TCF12: variants seen among roughly 807,000 people sequenced by gnomAD.
TCF12 encodes the protein transcription factor 12.
In TCF12, 45 loss-of-function variants were observed where a neutral mutation model predicts 86.0. The ratio of observed to expected loss-of-function variants is 0.52; its 90% CI spans 0.41 to 0.67. TCF12 has a LOEUF of 0.67. TCF12 is among the 30% of genes least tolerant of loss of function. The pLI is 0.00. For synonymous variants in TCF12, 330 were observed against 299.6 expected, an observed-to-expected ratio of 1.10 and a Z score of -1.05; for missense variants, 881 against 859.9, an observed-to-expected ratio of 1.02 and a Z score of -0.31.
chr15:57,187,834 G>A (rs2056762712), intron 6 of TCF12, among the ~76,000 whole-genome samples: 1 of 152,134 alleles, frequency 6.6e-6, no homozygotes, highest in Non-Finnish European at 1.5e-5. Flanking sequence ...GGAGGCTGAG[G>A]CAGGAGAATC....
intron 6 of TCF12, among the ~76,000 whole-genome samples, chr15:57,182,900 A>T (rs545782019): frequency 6.6e-6 from 1 of 152,100 alleles, no homozygotes; most frequent in Non-Finnish European, 1.5e-5. Context: ...AATCACTTAC[A>T]TGTTTTCAAG....
intron 5 of TCF12, among the ~76,000 whole-genome samples, chr15:57,121,651 C>G (rs544269484): frequency 6.6e-6 from 1 of 152,248 alleles, no homozygotes; most frequent in Admixed American, 6.5e-5. Context: ...CAATAAAGTG[C>G]CATGTTGGAA....
intron 3 of TCF12, among the ~76,000 whole-genome samples, chr15:56,977,616 G>A (rs1051241107): frequency 5.3e-5 from 8 of 152,036 alleles, no homozygotes; most frequent in African/African-American, 1.9e-4. Context: ...TGGAGACAGC[G>A]TTTGTAGCTT....
chr15:57,069,512 A>G lies in TCF12; in HGVS notation c.222+5689A>G, dbSNP rs2069184851. On this transcript the variant is annotated intron_variant, in intron 4 of 20. Coordinates refer to ENST00000333725, the MANE Select transcript of TCF12 (RefSeq NM_207037.2). ...CTTTCTTCCCTCTGTGTTTTACAGT[A>G]TCATAGAATTTTCAAAACTGAAAGA... is the stretch of plus-strand genomic sequence containing the variant. 2.6e-5 allele frequency among the ~76,000 whole-genome samples: 4 copies of G among 152,194 alleles called. No individual in the cohort carries two copies. The South Asian group carries it at 8.3e-4, about 32-fold the overall frequency.
At chr15:57,152,221 T>TACCCACAGTATA (rs2053813652) in intron 5 of TCF12, among the ~76,000 whole-genome samples, 2 of 152,214 alleles carry the variant, frequency 1.3e-5, no homozygotes, top group African/African-American at 2.4e-5. Flanking sequence ...AATATACTAC[T>TACCCACAGTATA]GTTCTACCCA....
At chr15:57,085,933 A>G (rs1161488818) in intron 4 of TCF12, among the ~76,000 whole-genome samples, 2 of 152,112 alleles carry the variant, frequency 1.3e-5, no homozygotes, top group African/African-American at 4.8e-5. Context: ...TACTTGTTCA[A>G]TCCGGTTAGA....
upstream of TCF12, chr15:56,918,446 A>T (rs1440672719): frequency 2.9e-6 from 1 of 345,170 alleles, no homozygotes; most frequent in South Asian, 2.1e-5. Flanking sequence ...CGAGCGCCTC[A>T]TGCCCCTCCC....
chr15:57,086,858 A>G (rs2048669846), intron 4 of TCF12, among the ~76,000 whole-genome samples: 1 of 152,178 alleles, frequency 6.6e-6, no homozygotes, highest in African/African-American at 2.4e-5. Flanking sequence ...GAACTGGGAA[A>G]GATCCTCTGG....
intron 8 of TCF12, among the ~76,000 whole-genome samples, chr15:57,209,884 A>G (rs1002929656): frequency 2.0e-5 from 3 of 152,202 alleles, no homozygotes; most frequent in Admixed American, 6.5e-5. Flanking sequence ...AAAGATGTCA[A>G]GCACACTCCT....
chr15:57,015,893 T>C (rs1380425151), intron 3 of TCF12, among the ~76,000 whole-genome samples: 7 of 152,218 alleles, frequency 4.6e-5, no homozygotes, highest in Admixed American at 4.6e-4. Flanking sequence ...TTAGTTCTTA[T>C]ATAGAAGCCA....
At chr15:56,963,532 C>T (rs1269426627) in intron 3 of TCF12, among the ~76,000 whole-genome samples, 4 of 152,034 alleles carry the variant, frequency 2.6e-5, no homozygotes, top group African/African-American at 9.7e-5. Context: ...TGGTTTTTAT[C>T]TTTGCTTTAT....
chr15:57,115,775 A>G (rs1243926028), intron 5 of TCF12, among the ~76,000 whole-genome samples: 1 of 152,192 alleles, frequency 6.6e-6, no homozygotes, highest in Non-Finnish European at 1.5e-5. Context: ...GTGGTGTACC[A>G]TGGATGACAA....
At chr15:57,255,799 GA>G (rs5812879) in intron 16 of TCF12, among the ~76,000 whole-genome samples, 4 of 149,200 alleles carry the variant, frequency 2.7e-5, no homozygotes, top group African/African-American at 4.9e-5. Flanking sequence ...TTCGTAAAAA[GA>G]AAAAAAAAAT....
intron 8 of TCF12, among the ~76,000 whole-genome samples, chr15:57,230,884 T>A (rs1405225857): frequency 6.6e-6 from 1 of 151,952 alleles, no homozygotes; most frequent in African/African-American, 2.4e-5. Context: ...ATTCAGTCAC[T>A]TGGTGTAACT....
chr15:56,948,704 A>G (rs1217057323), intron 3 of TCF12, among the ~76,000 whole-genome samples: 1 of 152,230 alleles, frequency 6.6e-6, no homozygotes. Context: ...GGTTACAGCC[A>G]GAAGTACAGA....
At chr15:57,233,702 C>T (rs569401178) in intron 11 of TCF12, among the ~76,000 whole-genome samples, 2 of 152,018 alleles carry the variant, frequency 1.3e-5, no homozygotes, top group African/African-American at 4.8e-5. Context: ...GCCTTGAACT[C>T]GTGGGCTCAA....
chr15:57,271,766 T>A (rs1347427887), intron 18 of TCF12, among the ~76,000 whole-genome samples: 1 of 152,190 alleles, frequency 6.6e-6, no homozygotes, highest in African/African-American at 2.4e-5. Context: ...TATTTTGTTT[T>A]TGTTTTGGAT....
At chr15:56,939,012 CTGAATT>C (rs1189546980) in intron 3 of TCF12, among the ~76,000 whole-genome samples, 1 of 152,158 alleles carries the variant, frequency 6.6e-6, no homozygotes. Context: ...GCTTTTCAAT[CTGAATT>C]GTGTGGTTCT....
At chr15:57,173,952 C>T (rs1241467487) in intron 6 of TCF12, among the ~76,000 whole-genome samples, 6 of 152,096 alleles carry the variant, frequency 3.9e-5, no homozygotes, top group South Asian at 2.1e-4. Context: ...GTGATCCCCC[C>T]GCCTCAGCCT....
Sources: gnomAD v4.1 joint callset for allele counts (sites outside exome capture counted in the v4.1 genomes callset) on GRCh38, gnomAD v4.1.1 for gene constraint, MANE v1.5 for transcripts, NCBI Gene and HGNC (gene_info 2026-07-23, HGNC 2026-07-21) for gene names.